Variants in RBFOX1 observed in about 807,000 individuals in gnomAD.
RBFOX1 encodes RNA binding protein fox-1 homolog 1.
A neutral mutation model predicts 57.7 loss-of-function variants in RBFOX1; 8 were observed. The ratio of observed to expected loss-of-function variants is 0.14; its 90% CI spans 0.08 to 0.25. The LOEUF is 0.25. Ranked by LOEUF, RBFOX1 falls within the 10% of genes least tolerant of loss-of-function variation. The pLI, the probability that RBFOX1 is intolerant of heterozygous loss-of-function variation, is 1.00. For synonymous variants in RBFOX1, 326 were observed against 222.4 expected (o/e 1.47, Z -4.15); for missense variants, 611 against 548.5 (o/e 1.11, Z -1.14).
intron 10 of RBFOX1, among the ~76,000 whole-genome samples, chr16:7,608,322 A>T (rs2141305520): frequency 6.6e-6 from 1 of 152,238 alleles, no homozygotes; most frequent in African/African-American, 2.4e-5. Context: ...AAACTTAGCT[A>T]CTCTGGCACA....
intron 2 of RBFOX1, among the ~76,000 whole-genome samples, chr16:5,548,166 A>ATATATATATAT (rs1420272771): frequency 1.8e-4 from 6 of 33,728 alleles, no homozygotes; most frequent in Non-Finnish European, 4.4e-4. Flanking sequence ...GTTAAAAAAA[A>ATATATATATAT]AAAAAAAAAT....
intron 2 of RBFOX1, among the ~76,000 whole-genome samples, chr16:6,463,426 A>G (rs1002684181): frequency 6.6e-6 from 1 of 152,212 alleles, no homozygotes; most frequent in African/African-American, 2.4e-5. Context: ...ATGAGATGAC[A>G]TAGTAACGAT....
rs529302546 is a variant in RBFOX1 at position 6,350,974 on chromosome 16, C to G, written c.-64+33917C>G. On this transcript the variant is annotated intron_variant, in intron 2 of 15. Coordinates refer to ENST00000550418, the MANE Select transcript of RBFOX1 (RefSeq NM_018723.4). The stretch of plus-strand genomic sequence containing the variant: ...CACGAAATGCCTGAAATGAAGACCA[C>G]AGGCAGTGGGCACTTGGCTGACAAG... Among the ~76,000 whole-genome samples, 9 of 152,290 alleles carry G rather than the reference C, an allele frequency of 5.9e-5. No homozygotes were observed. In the South Asian group the frequency reaches 1.5e-3, roughly 25 times the overall value.
At chr16:6,966,898 TCC>T (rs2084353882) in intron 3 of RBFOX1, among the ~76,000 whole-genome samples, 2 of 10,938 alleles carry the variant, frequency 1.8e-4, no homozygotes, top group East Asian at 2.3e-3. Context: ...CATCTCTCCA[TCC>T]ATCCATCCAT....
At chr16:6,696,293 G>A (rs1372054352) in intron 3 of RBFOX1, among the ~76,000 whole-genome samples, 1 of 152,072 alleles carries the variant, frequency 6.6e-6, no homozygotes, top group African/African-American at 2.4e-5. Flanking sequence ...TCCAAACTAA[G>A]TGAAATATCT....
At chr16:7,211,083 C>G (rs1375454587) in intron 4 of RBFOX1, among the ~76,000 whole-genome samples, 2 of 78,142 alleles carry the variant, frequency 2.6e-5, no homozygotes, top group African/African-American at 8.4e-5. Flanking sequence ...GATACATACA[C>G]TTAAAAAAAA....
chr16:5,267,175 A>G (rs1248800661), intron 1 of RBFOX1, among the ~76,000 whole-genome samples: 1 of 152,206 alleles, frequency 6.6e-6, no homozygotes, highest in African/African-American at 2.4e-5. Flanking sequence ...TGGAAGCCCA[A>G]AGCATTGAGC....
chr16:6,005,560 C>G (rs766544575), intron 4 of RBFOX1, among the ~76,000 whole-genome samples: 1 of 152,166 alleles, frequency 6.6e-6, no homozygotes, highest in African/African-American at 2.4e-5. Context: ...CTGGGTCATT[C>G]TTTGTTGTGG....
chr16:6,555,202 A>C (rs1320093695), intron 2 of RBFOX1, among the ~76,000 whole-genome samples: 2 of 152,204 alleles, frequency 1.3e-5, no homozygotes, highest in African/African-American at 4.8e-5. Context: ...AGACCAGAGA[A>C]TGTTCCCTGC....
At chr16:5,718,256 C>A (rs561401349) in intron 3 of RBFOX1, among the ~76,000 whole-genome samples, 1 of 152,198 alleles carries the variant, frequency 6.6e-6, no homozygotes, top group African/African-American at 2.4e-5. Context: ...TATTAAGAAT[C>A]CATGTGGAGC....
chr16:7,113,409 T>TTC (rs1263617044), intron 4 of RBFOX1, among the ~76,000 whole-genome samples: 10 of 152,188 alleles, frequency 6.6e-5, no homozygotes, highest in Admixed American at 6.5e-4. Flanking sequence ...AAGTTTCCCT[T>TTC]CTTTCTCATC....
Position 6,977,743 on chromosome 16 carries a change from A to T in RBFOX1, c.-15-74314A>T, listed in dbSNP as rs8057508. 7.9e-3 allele frequency among the ~76,000 whole-genome samples: 1,197 copies of T among 152,244 alleles called. 22 individuals carry two copies. The highest frequency in any genetic ancestry group is 0.028 in the African/African-American group (1,150 of 41,536). On this transcript the variant is annotated intron_variant, in intron 3 of 15. Coordinates refer to ENST00000550418, the MANE Select transcript of RBFOX1 (RefSeq NM_018723.4). Reference sequence around the variant, plus strand: ...TTGTGGGTGGAGGAAGGCTGAATAAAGGCCATTTCTCTGAAGAAAAGAAAG... The same window carrying T: ...TTGTGGGTGGAGGAAGGCTGAATAATGGCCATTTCTCTGAAGAAAAGAAAG...
At chr16:5,299,369 G>T (rs942266602) in intron 1 of RBFOX1, among the ~76,000 whole-genome samples, 8 of 151,966 alleles carry the variant, frequency 5.3e-5, no homozygotes, top group South Asian at 2.1e-4. Flanking sequence ...TTCCAGTTTT[G>T]CTTATTATGA....
At chr16:6,897,364 T>G (rs542976840) in intron 3 of RBFOX1, among the ~76,000 whole-genome samples, 2 of 152,002 alleles carry the variant, frequency 1.3e-5, no homozygotes, top group African/African-American at 4.8e-5. Flanking sequence ...GGTCGTGCCA[T>G]TGCACTCCAG....
intron 3 of RBFOX1, among the ~76,000 whole-genome samples, chr16:7,019,555 A>C (rs1305705173): frequency 6.6e-6 from 1 of 152,142 alleles, no homozygotes; most frequent in African/African-American, 2.4e-5. Context: ...GTGGATTTGC[A>C]GTTACTTTAC....
intron 2 of RBFOX1, among the ~76,000 whole-genome samples, chr16:5,479,538 G>T (rs12446193): frequency 0.16 from 24,646 of 152,012 alleles, 2,482 homozygotes; most frequent in Middle Eastern, 0.29. Context: ...GCAGGTGGAT[G>T]ACCTGAGGTC....
At chr16:7,637,127 C>T (rs895052778) in intron 11 of RBFOX1, among the ~76,000 whole-genome samples, 1 of 152,066 alleles carries the variant, frequency 6.6e-6, no homozygotes, top group Non-Finnish European at 1.5e-5. Context: ...GTTCCGTATG[C>T]TTATCAATGC....
chr16:5,551,362 G>A (rs2045456810), intron 2 of RBFOX1, among the ~76,000 whole-genome samples: 1 of 152,234 alleles, frequency 6.6e-6, no homozygotes, highest in South Asian at 2.1e-4. Flanking sequence ...TGAAGCCCTA[G>A]ATGCTACTGG....
chr16:5,708,583 A>G (rs1265947620), intron 3 of RBFOX1, among the ~76,000 whole-genome samples: 2 of 152,146 alleles, frequency 1.3e-5, no homozygotes, highest in Admixed American at 1.3e-4. Context: ...GACCCCCACC[A>G]CCTCAACCAT....
Sources: gnomAD v4.1 joint callset for allele counts (sites outside exome capture counted in the v4.1 genomes callset) on GRCh38, gnomAD v4.1.1 for gene constraint, MANE v1.5 for transcripts, NCBI Gene and HGNC (gene_info 2026-07-23, HGNC 2026-07-21) for gene names.